Variants in PTPRS observed in about 807,000 individuals in gnomAD.
PTPRS encodes the protein protein tyrosine phosphatase receptor type S, also known as receptor-type tyrosine-protein phosphatase S.
In PTPRS, 63 loss-of-function variants were observed where a neutral mutation model predicts 215.3. The ratio of observed to expected loss-of-function variants is 0.29; its 90% CI spans 0.24 to 0.36. The LOEUF (loss-of-function observed/expected upper bound fraction) is 0.36. PTPRS is among the 10% of genes least tolerant of loss of function. The pLI is 1.00. For synonymous variants in PTPRS, 1,404 were observed against 1,191.4 expected, an observed-to-expected ratio of 1.18 and a Z score of -3.68; for missense variants, 2,258 against 2,825.8, an observed-to-expected ratio of 0.80 and a Z score of 4.56.
At chr19:5,285,078 G>A (rs1463728985) in intron 2 of PTPRS, among the ~76,000 whole-genome samples, 1 of 152,204 alleles carries the variant, frequency 6.6e-6, no homozygotes, top group Non-Finnish European at 1.5e-5. Context: ...CAGGATTGCC[G>A]GCCTGCTATG....
chr19:5,316,381 GT>G (rs111979011), intron 1 of PTPRS, among the ~76,000 whole-genome samples: 20 of 151,328 alleles, frequency 1.3e-4, no homozygotes, highest in African/African-American at 4.9e-4. Flanking sequence ...TGCTGATTGG[GT>G]TTTTTTTTCT....
At chr19:5,275,388 CTTTTT>C (rs763279011) in intron 2 of PTPRS, among the ~76,000 whole-genome samples, 2 of 119,654 alleles carry the variant, frequency 1.7e-5, no homozygotes, top group Non-Finnish European at 3.6e-5. Flanking sequence ...TTTTTCTTTT[CTTTTT>C]TTTTTTCCTG....
At chr19:5,235,023 C>T (rs969721787) in intron 13 of PTPRS, among the ~76,000 whole-genome samples, 10 of 151,254 alleles carry the variant, frequency 6.6e-5, no homozygotes, top group African/African-American at 2.4e-4. Flanking sequence ...TCACTGCAAG[C>T]TCTGCTGCTC....
At chr19:5,221,867 C>T (rs2042005772) in intron 19 of PTPRS, among the ~76,000 whole-genome samples, 1 of 152,214 alleles carries the variant, frequency 6.6e-6, no homozygotes. Context: ...TCAATCCCAG[C>T]TAAGCCACAA....
At chr19:5,256,454 T>G (rs531634189) in intron 8 of PTPRS, among the ~76,000 whole-genome samples, 26 of 152,094 alleles carry the variant, frequency 1.7e-4, no homozygotes, top group Admixed American at 1.6e-3. Context: ...CCCAAGAGGA[T>G]GGAGGCTCAT....
At chr19:5,263,048 C>A in intron 5 of PTPRS, 76 bp from the exon 6 acceptor site, 2 of 528,456 alleles carry the variant, frequency 3.8e-6, no homozygotes, top group South Asian at 4.0e-5. Flanking sequence ...CCTATGTCCT[C>A]AGCGAGGAGG....
Position 5,227,268 on chromosome 19 carries a change from T to C in PTPRS, c.2377-1424A>G, listed in dbSNP as rs2042582907. Among the ~76,000 whole-genome samples, 5 of 151,818 alleles carry C rather than the reference T, an allele frequency of 3.3e-5. No homozygotes were observed. The South Asian group carries it at 8.3e-4, about 25-fold the overall frequency. On this transcript the variant is annotated intron_variant, in intron 16 of 37. Transcript: ENST00000262963. Reference sequence around the variant, plus strand: ...GATCTTGCCATGTTGCCCAGGCTGGTCTTAAACTTTGGGCTCAAGTGATCC... The same window carrying C: ...GATCTTGCCATGTTGCCCAGGCTGGCCTTAAACTTTGGGCTCAAGTGATCC...
At chr19:5,249,810 G>A (rs1303400690) in intron 9 of PTPRS, among the ~76,000 whole-genome samples, 1 of 152,220 alleles carries the variant, frequency 6.6e-6, no homozygotes, top group Non-Finnish European at 1.5e-5. Flanking sequence ...GTCAAAGGGA[G>A]TAAGATCTAG....
In PTPRS at chr19:5,210,578, T is replaced by G; in HGVS notation, c.5378A>C (p.Tyr1793Ser). Reference sequence around the variant, plus strand: ...GCGGGCAGAGCGCTCGGCCGGCCAGTACTGGTGACACTTCTCCTGTGGAGG... The same window carrying G: ...GCGGGCAGAGCGCTCGGCCGGCCAGGACTGGTGACACTTCTCCTGTGGAGG... The part of the protein sequence containing the change: ...REMGREKCHQ[Y>S]WPAERSARYQ... The change falls in exon 35 of 38, where the codon TAC becomes TCC. Residue 1793 changes from tyrosine (Y) to serine (S), a missense_variant. Transcript: ENST00000262963. This position sits in a 1 kb window ranked among gnomAD's most constrained non-coding sequence, Gnocchi z 4.5. The G allele has an allele frequency of 6.2e-7, 1 of 1,614,202 alleles. No homozygotes were observed. Among genetic ancestry groups the G allele is most frequent in the Non-Finnish European group, 8.5e-7 (1 of 1,180,020 alleles).
rs779544389 is a variant in PTPRS, at chr19:5,222,130, G to A, written c.3194C>T (p.Pro1065Leu). 4 of 1,613,166 alleles carry A rather than the reference G, an allele frequency of 2.5e-6. No homozygotes were observed. Among genetic ancestry groups the A allele is most frequent in the South Asian group, 2.2e-5 (2 of 91,068 alleles). ...CTGGCTGGGCAGTCGCACCTTGTAG[G>A]GTGTGGGTGAGTTGTAGTTGTCAGG... The part of the protein sequence containing the change: ...EFPDNYNSPT[P>L]YKIQYNGLTL... The change falls in exon 19 of 38, where the codon CCC becomes CTC. Residue 1065 changes from proline (P) to leucine (L), a missense_variant. This residue lies in a region of PTPRS where 361 missense variants were observed against 332.6 expected (regional missense o/e 1.09). Coordinates refer to ENST00000262963, the MANE Select transcript of PTPRS (RefSeq NM_002850.4).
intron 1 of PTPRS, among the ~76,000 whole-genome samples, chr19:5,336,119 G>A (rs2050491281): frequency 6.6e-6 from 1 of 151,664 alleles, no homozygotes. Flanking sequence ...AGAAGTGTAA[G>A]CCAATTGATT....
At chr19:5,340,078 G>A (rs1434394144) in intron 1 of PTPRS, among the ~76,000 whole-genome samples, 1 of 151,878 alleles carries the variant, frequency 6.6e-6, no homozygotes, top group Non-Finnish European at 1.5e-5. Flanking sequence ...GGGGTCTCCA[G>A]GGGAGGGAGA....
intron 1 of PTPRS, among the ~76,000 whole-genome samples, chr19:5,316,897 C>T (rs2049891324): frequency 6.6e-6 from 1 of 152,172 alleles, no homozygotes; most frequent in Admixed American, 6.5e-5. Flanking sequence ...GCTTGCACTC[C>T]CAGGCACCGG....
intron 1 of PTPRS, among the ~76,000 whole-genome samples, chr19:5,306,779 G>C (rs1202523592): frequency 1.3e-5 from 2 of 152,174 alleles, no homozygotes; most frequent in African/African-American, 4.8e-5. Context: ...TAAACAAGCA[G>C]GTTCCCCTCC....
intron 1 of PTPRS, among the ~76,000 whole-genome samples, chr19:5,307,943 T>C (rs1600090348): frequency 6.6e-6 from 1 of 152,150 alleles, no homozygotes; most frequent in African/African-American, 2.4e-5. Flanking sequence ...GGTTGAGTAG[T>C]AGACAGAGAT....
intron 13 of PTPRS, among the ~76,000 whole-genome samples, chr19:5,232,885 C>G (rs539724421): frequency 6.6e-6 from 1 of 151,118 alleles, no homozygotes; most frequent in African/African-American, 2.4e-5. Context: ...TAAGCACCTA[C>G]GATGTGCCAG....
intron 13 of PTPRS, among the ~76,000 whole-genome samples, chr19:5,235,206 C>G (rs1009903720): frequency 6.6e-6 from 1 of 152,106 alleles, no homozygotes; most frequent in African/African-American, 2.4e-5. Flanking sequence ...TCCCAAAGTG[C>G]TGGGATTACA....
At chr19:5,236,082 C>A (rs924490528) in intron 13 of PTPRS, among the ~76,000 whole-genome samples, 5 of 152,196 alleles carry the variant, frequency 3.3e-5, no homozygotes, top group Non-Finnish European at 7.3e-5. Context: ...AACTGTCACT[C>A]CCCACCCGCC....
intron 2 of PTPRS, 83 bp from the exon 3 acceptor site, chr19:5,274,427 T>G (rs2047183641): frequency 2.0e-5 from 28 of 1,399,126 alleles, no homozygotes; most frequent in East Asian, 5.0e-5. Flanking sequence ...AAAACCTGCA[T>G]TCCATGCCCT....
Sources: gnomAD v4.1 joint callset for allele counts (sites outside exome capture counted in the v4.1 genomes callset) on GRCh38, gnomAD v4.1.1 for gene constraint, gnomAD v4.1.1 regional missense constraint, Gnocchi (gnomAD v3.1) non-coding constraint, MANE v1.5 for transcripts, NCBI Gene and HGNC (gene_info 2026-07-23, HGNC 2026-07-21) for gene names.